The following CYP2J2 variants were observed in gnomAD, a reference collection of about 807,000 sequenced individuals.
The protein encoded by CYP2J2 is cytochrome P450 2J2.
A neutral mutation model predicts 48.8 loss-of-function variants in CYP2J2; 41 were observed. The observed-to-expected ratio is 0.84, with a 90% CI of 0.66 to 1.09. The LOEUF (loss-of-function observed/expected upper bound fraction) is 1.09. Ranked by LOEUF, CYP2J2 falls within the 50% of genes least tolerant of loss-of-function variation. The pLI is 0.00. For missense variants in CYP2J2, 644 were observed against 617.3 expected, an observed-to-expected ratio of 1.04 and a Z score of -0.46; for synonymous variants, 221 against 227.1, an observed-to-expected ratio of 0.97 and a Z score of 0.24.
chr1:59,901,129 C>T (rs555256371), intron 7 of CYP2J2, 26 bp from the exon 8 acceptor site: 22 of 1,608,828 alleles, frequency 1.4e-5, no homozygotes, highest in Non-Finnish European at 1.8e-5. Context: ...GAGACTCAGG[C>T]AAGGCTTGAC....
At chr1:59,965,744 C>T in the CYP2J2 span, among the ~76,000 whole-genome samples, 2 of 152,224 alleles carry the variant, frequency 1.3e-5, no homozygotes, top group East Asian at 1.9e-4. Context: ...CTCTGCCTCC[C>T]AAGTTCAAGC....
chr1:59,941,880 T>G, the CYP2J2 span, among the ~76,000 whole-genome samples: 3 of 152,196 alleles, frequency 2.0e-5, no homozygotes, highest in Admixed American at 2.0e-4. Flanking sequence ...ATTTAAAAGT[T>G]TATAAATAAG....
chr1:59,951,887 C>G, the CYP2J2 span, among the ~76,000 whole-genome samples: 1 of 152,244 alleles, frequency 6.6e-6, no homozygotes, highest in African/African-American at 2.4e-5. Context: ...CCCTATTGCC[C>G]TCTGAGCAGC....
upstream of CYP2J2, among the ~76,000 whole-genome samples, chr1:59,931,772 G>T (rs999367081): frequency 3.3e-5 from 5 of 151,912 alleles, no homozygotes; most frequent in African/African-American, 1.2e-4. Flanking sequence ...ATACTTCTAG[G>T]TATTAAATTA....
chr1:59,927,960 G>A (rs147173329), upstream of CYP2J2, among the ~76,000 whole-genome samples: 20 of 152,064 alleles, frequency 1.3e-4, no homozygotes, highest in African/African-American at 4.6e-4. Context: ...ACATTTTCCT[G>A]TTTTACTACA....
At chr1:59,910,324 T>C (rs921093771) in intron 4 of CYP2J2, among the ~76,000 whole-genome samples, 2 of 152,194 alleles carry the variant, frequency 1.3e-5, no homozygotes, top group Non-Finnish European at 2.9e-5. Flanking sequence ...TTTAGAAATA[T>C]ATGCTGAAAT....
the CYP2J2 span, among the ~76,000 whole-genome samples, chr1:59,958,202 A>C: frequency 6.6e-6 from 1 of 152,174 alleles, no homozygotes; most frequent in East Asian, 1.9e-4. Flanking sequence ...GAAGCCCTGC[A>C]TTCTTAGATC....
chr1:59,912,195 G>C lies in CYP2J2; in HGVS notation c.490C>G (p.Gln164Glu). 6.2e-7 allele frequency: 1 copy of C among 1,613,720 alleles called. No homozygotes were observed. Among genetic ancestry groups the C allele is most frequent in the Non-Finnish European group, 8.5e-7 (1 of 1,179,802 alleles). The change falls in exon 3 of 9, where the codon CAA (glutamine) becomes GAA (glutamate). Residue 164 changes from glutamine (Q) to glutamate (E), a missense_variant. Coordinates refer to ENST00000371204, the MANE Select transcript of CYP2J2 (RefSeq NM_000775.4). The stretch of plus-strand genomic sequence containing the variant: ...TCTTTTATTGCTTCAGTGAGGTGTT[G>C]GGCCTCCTCCTGAATGCGTTCCTCT... ...SLEERIQEEAQHLTEAIKEEN... is the reference protein window; with the variant it reads ...SLEERIQEEAEHLTEAIKEEN...
At chr1:59,910,607 T>C (rs1644404608) in intron 4 of CYP2J2, among the ~76,000 whole-genome samples, 2 of 152,190 alleles carry the variant, frequency 1.3e-5, no homozygotes, top group African/African-American at 4.8e-5. Context: ...CTCTTTCTAC[T>C]GAGAACACCA....
At chr1:59,927,019 C>A (rs1180836944), upstream of CYP2J2, among the ~76,000 whole-genome samples, 1 of 152,264 alleles carries the variant, frequency 6.6e-6, no homozygotes, top group East Asian at 1.9e-4. Context: ...CAATCACCGT[C>A]TCTCCTATGA....
the CYP2J2 span, among the ~76,000 whole-genome samples, chr1:59,955,944 C>A: frequency 6.6e-6 from 1 of 151,886 alleles, no homozygotes; most frequent in African/African-American, 2.4e-5. Context: ...TTTTTCTGAA[C>A]CATTTGAGGG....
chr1:59,895,466 T>C (rs1245832508), intron 8 of CYP2J2, among the ~76,000 whole-genome samples: 1 of 152,210 alleles, frequency 6.6e-6, no homozygotes, highest in African/African-American at 2.4e-5. Context: ...TTGTGATGTG[T>C]TACATTATTG....
chr1:59,936,596 A>G, the CYP2J2 span, among the ~76,000 whole-genome samples: 2 of 152,142 alleles, frequency 1.3e-5, no homozygotes, highest in African/African-American at 4.8e-5. Context: ...AATCCTGTTC[A>G]TCTTCAATTT....
chr1:59,896,115 T>C (rs1456710981), intron 8 of CYP2J2, among the ~76,000 whole-genome samples: 2 of 152,184 alleles, frequency 1.3e-5, no homozygotes, highest in Middle Eastern at 3.4e-3. Flanking sequence ...GAATCAGCCA[T>C]TTTTTTCCAA....
At chr1:59,950,231 C>T in the CYP2J2 span, among the ~76,000 whole-genome samples, 125 of 152,260 alleles carry the variant, frequency 8.2e-4, no homozygotes, top group Non-Finnish European at 1.4e-3. Context: ...GTAGGTATGA[C>T]GGAAGGAGAC....
At chr1:59,935,023 T>TATATATATATATATATAC in the CYP2J2 span, among the ~76,000 whole-genome samples, 136 of 75,246 alleles carry the variant, frequency 1.8e-3, 1 homozygote, top group Non-Finnish European at 3.1e-3. Context: ...TACATATATA[T>TATATATATATATATATAC]ATATATATAT....
intron 8 of CYP2J2, among the ~76,000 whole-genome samples, chr1:59,894,096 T>A (rs1271064339): frequency 6.6e-6 from 1 of 152,050 alleles, no homozygotes; most frequent in Non-Finnish European, 1.5e-5. Context: ...TGTAGGACCA[T>A]AGAAGCGGAA....
At chr1:59,940,433 T>G in the CYP2J2 span, among the ~76,000 whole-genome samples, 72 of 152,330 alleles carry the variant, frequency 4.7e-4, no homozygotes, top group African/African-American at 1.7e-3. Flanking sequence ...GTCTTGCATC[T>G]TGGATACCAG....
chr1:59,930,517 A>G (rs879557673), upstream of CYP2J2, among the ~76,000 whole-genome samples: 1 of 152,024 alleles, frequency 6.6e-6, no homozygotes, highest in Non-Finnish European at 1.5e-5. Flanking sequence ...GTATATTTTC[A>G]TGTTCTGGTT....
Sources: gnomAD v4.1 joint callset for allele counts (sites outside exome capture counted in the v4.1 genomes callset) on GRCh38, gnomAD v4.1.1 for gene constraint, MANE v1.5 for transcripts, NCBI Gene and HGNC (gene_info 2026-07-23, HGNC 2026-07-21) for gene names.